Variants in DMD observed in about 807,000 individuals in gnomAD.
DMD encodes the protein dystrophin.
In DMD, 63 loss-of-function variants were observed where a neutral mutation model predicts 330.1. The observed-to-expected ratio is 0.19, with a 90% confidence interval of 0.16 to 0.24. The LOEUF is 0.24. DMD is among the 10% of genes least tolerant of loss of function. DMD has a pLI of 1.00. For missense variants in DMD, 3,344 were observed against 2,684.1 expected (o/e 1.25, Z -5.43); for synonymous variants, 1,223 against 959.8 (o/e 1.27, Z -5.07).
chrX:32,766,049 T>C, intron 7 of DMD, among the ~76,000 whole-genome samples: 1 of 112,028 alleles, frequency 8.9e-6, no homozygotes, highest in South Asian at 3.7e-4. Context: ...TATTCTATTG[T>C]TCTACATTCC....
At chrX:32,194,542 G>A (rs1333371994) in intron 44 of DMD, among the ~76,000 whole-genome samples, 1 of 111,924 alleles carries the variant, frequency 8.9e-6, no homozygotes, top group African/African-American at 3.3e-5. Flanking sequence ...TCACTGCCGA[G>A]TAAAATTCCA....
At chrX:31,834,976 G>C (rs934911800) in intron 49 of DMD, among the ~76,000 whole-genome samples, 1 of 112,211 alleles carries the variant, frequency 8.9e-6, no homozygotes, top group Non-Finnish European at 1.9e-5. Context: ...TTTCAGAAAA[G>C]TAATTCTCCT....
chrX:32,937,476 A>C (rs1197325107), intron 2 of DMD, among the ~76,000 whole-genome samples: 1 of 105,000 alleles, frequency 9.5e-6, no homozygotes, highest in Non-Finnish European at 1.9e-5. Context: ...GAATTTATGC[A>C]CTAAGCATAA....
At chrX:32,374,631 T>C (rs2097893985) in intron 34 of DMD, among the ~76,000 whole-genome samples, 2 of 112,037 alleles carry the variant, frequency 1.8e-5, no homozygotes, top group Admixed American at 1.9e-4. Flanking sequence ...CAGCTTTATT[T>C]CTGAGTTCTC....
At chrX:31,660,841 T>A (rs941440236) in intron 53 of DMD, among the ~76,000 whole-genome samples, 2 of 111,793 alleles carry the variant, frequency 1.8e-5, no homozygotes, top group Admixed American at 9.5e-5. Flanking sequence ...GTTTCATGGG[T>A]ATATGCACAT....
intron 41 of DMD, among the ~76,000 whole-genome samples, chrX:32,327,960 C>T (rs1233246366): frequency 9.0e-6 from 1 of 111,279 alleles, no homozygotes; most frequent in Non-Finnish European, 1.9e-5. Context: ...CAAAACTTTT[C>T]AGAATACAAA....
intron 44 of DMD, among the ~76,000 whole-genome samples, chrX:32,208,618 C>G (rs190402612): frequency 8.9e-6 from 1 of 111,814 alleles, no homozygotes; most frequent in East Asian, 2.8e-4. Context: ...TAGGCCAGAT[C>G]CAGTACTTTC....
intron 7 of DMD, among the ~76,000 whole-genome samples, chrX:32,708,906 G>A (rs889114609): frequency 9.0e-6 from 1 of 111,459 alleles, no homozygotes; most frequent in Non-Finnish European, 1.9e-5. Context: ...AACTGATGGC[G>A]AATTAAGTTT....
Position 32,692,456 on chromosome X carries a change from C to T in DMD, c.960+5414G>A, listed in dbSNP as rs141989329. On this transcript the variant is annotated intron_variant, in intron 9 of 78. Transcript: ENST00000357033. ...TCCTCTGTTTGCCAATTACTTTCTA[C>T]AATATGTGGACAGTCTGAGGGACAA... Among the ~76,000 whole-genome samples, 414 of 111,636 alleles carry T rather than the reference C, an allele frequency of 3.7e-3. 3 individuals are homozygous for T. The highest frequency in any genetic ancestry group is 0.012 in the African/African-American group (369 of 30,720).
chrX:33,132,821 G>T (rs2095506843), intron 1 of DMD, among the ~76,000 whole-genome samples: 1 of 111,599 alleles, frequency 9.0e-6, no homozygotes, highest in African/African-American at 3.3e-5. Context: ...ACATTTCGTT[G>T]TCTGTAAAAT....
At chrX:31,581,383 G>A (rs183361968) in intron 55 of DMD, among the ~76,000 whole-genome samples, 66 of 112,217 alleles carry the variant, frequency 5.9e-4, no homozygotes, top group African/African-American at 1.9e-3. Context: ...ACATGTCGTA[G>A]TGTGGCTTAA....
At chrX:31,747,011 T>C (rs2087900783) in intron 51 of DMD, among the ~76,000 whole-genome samples, 1 of 111,753 alleles carries the variant, frequency 8.9e-6, no homozygotes, top group South Asian at 3.8e-4. Context: ...TTAATCTATT[T>C]CTTCTCAGAA....
chrX:33,048,157 C>G (rs1021438859), intron 1 of DMD, among the ~76,000 whole-genome samples: 3 of 111,747 alleles, frequency 2.7e-5, no homozygotes, highest in Non-Finnish European at 5.6e-5. Flanking sequence ...GATACAGACA[C>G]ATAGATTCAC....
At chrX:31,959,150 G>A (rs2095275573) in intron 45 of DMD, among the ~76,000 whole-genome samples, 1 of 111,724 alleles carries the variant, frequency 9.0e-6, no homozygotes, top group Admixed American at 9.5e-5. Flanking sequence ...TCTAACTTGA[G>A]TCACCCTGCC....
At chrX:32,841,239 T>A (rs938577826) in intron 4 of DMD, among the ~76,000 whole-genome samples, 1 of 109,018 alleles carries the variant, frequency 9.2e-6, no homozygotes, top group Admixed American at 9.9e-5. Flanking sequence ...ACCTAAAATT[T>A]AAAAAAAAAA....
intron 44 of DMD, among the ~76,000 whole-genome samples, chrX:32,187,770 AT>A (rs1161521591): frequency 1.8e-4 from 19 of 108,356 alleles, no homozygotes; most frequent in South Asian, 3.9e-4. Flanking sequence ...AACCAGAATT[AT>A]TTTTTTTTTC....
intron 17 of DMD, among the ~76,000 whole-genome samples, chrX:32,531,957 ATAATT>A (rs987168735): frequency 2.7e-5 from 3 of 111,341 alleles, no homozygotes; most frequent in African/African-American, 9.8e-5. Context: ...GCAATATAAA[ATAATT>A]TATTTCCCAA....
chrX:32,277,010 A>C (rs748771897), intron 43 of DMD, among the ~76,000 whole-genome samples: 19 of 111,788 alleles, frequency 1.7e-4, no homozygotes, highest in African/African-American at 5.5e-4. Context: ...GGATGAAAAA[A>C]TAAGACCCAA....
intron 9 of DMD, among the ~76,000 whole-genome samples, chrX:32,659,020 C>T (rs899322559): frequency 8.0e-5 from 9 of 111,981 alleles, no homozygotes; most frequent in African/African-American, 9.7e-5. Context: ...TTCAGCATCA[C>T]CCTTTGCCAT....
Sources: allele counts gnomAD v4.1 joint callset (sites outside exome capture counted in the v4.1 genomes callset), GRCh38; gene constraint gnomAD v4.1.1; transcripts MANE v1.5; gene names NCBI Gene and HGNC (gene_info 2026-07-23, HGNC 2026-07-21).